PLB1: variants seen among roughly 807,000 people sequenced by gnomAD.
PLB1 encodes phospholipase B1, membrane-associated.
PLB1 carries 242 observed loss-of-function variants against 227.4 expected under a neutral mutation model. The observed-to-expected ratio is 1.06, with a 90% CI of 0.96 to 1.18. The LOEUF is 1.18. Among genes scored for constraint, PLB1 ranks in the 50% most tolerant of loss-of-function variants. PLB1 has a pLI of 0.00. For synonymous variants in PLB1, 757 were observed against 682.2 expected (o/e 1.11, Z -1.71); for missense variants, 1,858 against 1,816.3 (o/e 1.02, Z -0.42).
chr2:28,628,087 G>A (rs551959815), intron 51 of PLB1, among the ~76,000 whole-genome samples: 1 of 152,342 alleles, frequency 6.6e-6, no homozygotes, highest in East Asian at 1.9e-4. Context: ...ATGGTTCAGA[G>A]GAAGAGAACC....
chr2:28,606,157 A>AGG (rs1260006647), intron 42 of PLB1, among the ~76,000 whole-genome samples: 1 of 152,160 alleles, frequency 6.6e-6, no homozygotes, highest in Non-Finnish European at 1.5e-5. Context: ...AACTCTGAGG[A>AGG]GGGACCTCTC....
At chr2:28,577,418 C>A (rs1278803718) in intron 21 of PLB1, among the ~76,000 whole-genome samples, 1 of 152,254 alleles carries the variant, frequency 6.6e-6, no homozygotes, top group Non-Finnish European at 1.5e-5. Flanking sequence ...TAGGCCATGG[C>A]ACCTGCCAAA....
At chr2:28,549,405 A>ATTCT (rs1426211569) in intron 15 of PLB1, among the ~76,000 whole-genome samples, 9 of 73,450 alleles carry the variant, frequency 1.2e-4, no homozygotes, top group Non-Finnish European at 2.0e-4. Flanking sequence ...AATGAATGAG[A>ATTCT]TTCTTTCTTT....
intron 1 of PLB1, among the ~76,000 whole-genome samples, chr2:28,501,468 G>T (rs1042345125): frequency 6.6e-5 from 10 of 152,216 alleles, no homozygotes; most frequent in African/African-American, 2.4e-4. Flanking sequence ...GTGGCATACA[G>T]TTAAGTGTGT....
chr2:28,620,299 A>T lies in PLB1; in HGVS notation c.3350A>T (p.Asp1117Val), dbSNP rs746527860. ...GGAGCTCGACCAAACAACTCCAGTG[A>T]CCTACCCACATCTTGGAGGGGACTC... ...AVGARPNNSS[D>V]LPTSWRGLSW... is the part of the protein sequence containing the mutation. The change falls in exon 47 of 58, where the codon GAC (aspartate) becomes GTC (valine). Residue 1117 changes from aspartate to valine, a missense_variant. Asp to Val is a radical substitution (Grantham distance 152, BLOSUM62 -3). Coordinates refer to ENST00000327757, the MANE Select transcript of PLB1 (RefSeq NM_153021.5). The T allele has an allele frequency of 3.6e-5, 58 of 1,606,228 alleles. No homozygotes were observed. The highest frequency in any genetic ancestry group is 4.7e-5 in the Non-Finnish European group (55 of 1,175,976).
At chr2:28,520,545 T>C (rs919569123) in intron 4 of PLB1, among the ~76,000 whole-genome samples, 10 of 152,214 alleles carry the variant, frequency 6.6e-5, no homozygotes, top group African/African-American at 2.4e-4. Context: ...GTGCAACTGA[T>C]CTCCAGAACT....
chr2:28,599,297 G>T (rs570318519), intron 35 of PLB1, among the ~76,000 whole-genome samples: 3 of 152,328 alleles, frequency 2.0e-5, no homozygotes, highest in Middle Eastern at 6.8e-3. Context: ...CTCCAAAGGG[G>T]CCCCCACCCT....
At chr2:28,506,011 A>G (rs1056793250) in intron 1 of PLB1, among the ~76,000 whole-genome samples, 1 of 152,186 alleles carries the variant, frequency 6.6e-6, no homozygotes, top group African/African-American at 2.4e-5. Flanking sequence ...CAGAAGTTCT[A>G]CTTTCCTGGG....
chr2:28,546,659 G>A (rs1485333321), intron 14 of PLB1, among the ~76,000 whole-genome samples: 1 of 152,144 alleles, frequency 6.6e-6, no homozygotes, highest in Non-Finnish European at 1.5e-5. Context: ...TGGGGATGCA[G>A]GAGAAGAAAG....
intron 43 of PLB1, among the ~76,000 whole-genome samples, chr2:28,611,712 G>A (rs970929476): frequency 6.6e-6 from 1 of 152,094 alleles, no homozygotes; most frequent in East Asian, 1.9e-4. Flanking sequence ...GAATGCTCAG[G>A]GAATGCTTAC....
intron 26 of PLB1, 25 bp from the exon 27 acceptor site, chr2:28,589,425 C>T (rs1681479380): frequency 6.4e-7 from 1 of 1,568,104 alleles, no homozygotes; most frequent in Non-Finnish European, 8.8e-7. Flanking sequence ...GACTGCCTGA[C>T]ATCTGTCCCC....
In PLB1 at chr2:28,644,056, C is replaced by T. The variant is rs756417981; in HGVS notation, c.*995C>T. Among the ~76,000 whole-genome samples, 83 of 152,190 alleles carry T rather than the reference C, an allele frequency of 5.5e-4. No homozygotes were observed. The highest frequency in any genetic ancestry group is 8.4e-4 in the Non-Finnish European group (57 of 68,040). ...TGCGCAACACCGTGAATGTACTAAA[C>T]GCCGCAAATTGTTCCATTTAAAATG... On this transcript the variant is annotated 3_prime_UTR_variant, in exon 58 of 58. Transcript: ENST00000327757.
Position 28,592,656 on chromosome 2 carries a change from T to C in PLB1, c.2189-5T>C. The C allele has an allele frequency of 1.2e-6, 2 of 1,614,158 alleles. No homozygotes were observed. The highest frequency in any genetic ancestry group is 1.7e-6 in the Non-Finnish European group (2 of 1,179,998). On this transcript the variant is annotated splice_region_variant and splice_polypyrimidine_tract_variant and intron_variant, in intron 31 of 57. Coordinates refer to ENST00000327757, the MANE Select transcript of PLB1 (RefSeq NM_153021.5). ...AGCCCTAAGTGTGTCCACTTGTCTT[T>C]CCAGTGCATGCCCTGAGACCTGCAG...
chr2:28,511,983 G>T (rs1334510222), intron 1 of PLB1, among the ~76,000 whole-genome samples: 1 of 147,208 alleles, frequency 6.8e-6, no homozygotes, highest in Non-Finnish European at 1.5e-5. Context: ...TAGAGATGAG[G>T]TTTCACCATG....
intron 46 of PLB1, among the ~76,000 whole-genome samples, chr2:28,619,216 GC>G (rs1686638101): frequency 6.6e-6 from 1 of 152,060 alleles, no homozygotes; most frequent in Non-Finnish European, 1.5e-5. Flanking sequence ...TGTCTGATAG[GC>G]CCCCGTGTGC....
Position 28,625,058 on chromosome 2 carries a change from G to C in PLB1, c.3529G>C (p.Asp1177His). Residue 1177 changes from aspartate (D) to histidine (H), a missense_variant and splice_region_variant, in exon 50 of 58, where the codon GAC (aspartate) becomes CAC (histidine). Asp to His is a moderately conservative substitution (Grantham distance 81). Coordinates refer to ENST00000327757, the MANE Select transcript of PLB1 (RefSeq NM_153021.5). ...CCCCTCTCTCTACCCCCCACCTAGG[G>C]ACATGCCAGCCCAGGCCTGGGACCT... ...NVAAEGARAR[D>H]MPAQAWDLVE... 3.7e-6 allele frequency: 6 copies of C among 1,613,496 alleles called. No individual in the cohort carries two copies. Among genetic ancestry groups the C allele is most frequent in the Non-Finnish European group, 5.1e-6 (6 of 1,179,712 alleles).
At chr2:28,575,087 C>T (rs922736137) in intron 21 of PLB1, among the ~76,000 whole-genome samples, 3 of 152,218 alleles carry the variant, frequency 2.0e-5, no homozygotes, top group Admixed American at 2.0e-4. Context: ...TAAGGAATCT[C>T]CACACTGTTT....
chr2:28,630,789 C>T, intron 54 of PLB1, 125 bp downstream of exon 54: 1 of 721,328 alleles, frequency 1.4e-6, no homozygotes. Flanking sequence ...CAGATTGCAG[C>T]CCCTGAAATA....
At chr2:28,597,942 T>C in intron 33 of PLB1, 63 bp from the exon 34 acceptor site, 1 of 1,495,014 alleles carries the variant, frequency 6.7e-7, no homozygotes, top group Admixed American at 1.7e-5. Context: ...TGTGTAAAGT[T>C]CCTAGATTGA....
Sources: gnomAD v4.1 joint callset for allele counts (sites outside exome capture counted in the v4.1 genomes callset) on GRCh38, gnomAD v4.1.1 for gene constraint, MANE v1.5 for transcripts, NCBI Gene and HGNC (gene_info 2026-07-23, HGNC 2026-07-21) for gene names.